PDXDC1: variants seen among roughly 807,000 people sequenced by gnomAD.
The protein encoded by PDXDC1 is pyridoxal-dependent decarboxylase domain-containing protein 1.
In PDXDC1, 42 loss-of-function variants were observed where a neutral mutation model predicts 100.1. The observed-to-expected ratio is 0.42, with a 90% CI of 0.33 to 0.54. The LOEUF (loss-of-function observed/expected upper bound fraction) is 0.54, where lower values mean the gene tolerates loss of function less well. Ranked by LOEUF, PDXDC1 falls within the 20% of genes least tolerant of loss-of-function variation. The pLI is 0.10. For missense variants in PDXDC1, 636 were observed against 979.2 expected (o/e 0.65, Z 4.68); for synonymous variants, 260 against 371.7 (o/e 0.70, Z 3.46).
intron 16 of PDXDC1, among the ~76,000 whole-genome samples, chr16:15,100,179 T>C (rs2046490226): frequency 1.3e-5 from 2 of 152,102 alleles, no homozygotes; most frequent in Non-Finnish European, 2.9e-5. Context: ...GGTTTGCAAA[T>C]GGCTGAATGG....
intron 16 of PDXDC1, among the ~76,000 whole-genome samples, chr16:15,119,407 A>T (rs1374073823): frequency 6.7e-6 from 1 of 148,582 alleles, no homozygotes; most frequent in Non-Finnish European, 1.5e-5. Flanking sequence ...AAAAAAAAAA[A>T]ATTTTTTTTG....
intron 16 of PDXDC1, among the ~76,000 whole-genome samples, chr16:15,124,072 G>A (rs1046805757): frequency 2.0e-5 from 3 of 152,208 alleles, no homozygotes; most frequent in Admixed American, 1.3e-4. Context: ...GCCTCTCAGG[G>A]ACGTCCAAGG....
intron 16 of PDXDC1, among the ~76,000 whole-genome samples, chr16:15,055,467 C>T (rs1015332856): frequency 2.0e-5 from 3 of 152,208 alleles, no homozygotes; most frequent in East Asian, 1.9e-4. Context: ...CCTGGAATAA[C>T]CTCCTGCTTC....
the PDXDC1 span, among the ~76,000 whole-genome samples, chr16:15,149,234 A>C: frequency 3.3e-5 from 5 of 152,168 alleles, no homozygotes; most frequent in South Asian, 1.0e-3. Context: ...ACCTGGCTTC[A>C]ATGTCACCTG....
intron 16 of PDXDC1, chr16:15,121,967 C>T (rs1198233437): frequency 4.2e-6 from 1 of 236,138 alleles, no homozygotes; most frequent in Non-Finnish European, 8.5e-6. Context: ...ATGGTGAAAC[C>T]CAGTCTCTAC....
chr16:15,005,803 G>A (rs1242496194), intron 5 of PDXDC1, among the ~76,000 whole-genome samples: 4 of 152,384 alleles, frequency 2.6e-5, no homozygotes, highest in African/African-American at 4.8e-5. Flanking sequence ...GGGTTCAAGC[G>A]ATTCTCCTGC....
intron 16 of PDXDC1, among the ~76,000 whole-genome samples, chr16:15,081,902 T>C (rs1163399650): frequency 6.6e-6 from 1 of 152,228 alleles, no homozygotes; most frequent in East Asian, 1.9e-4. Context: ...CAGCATTTGT[T>C]GAAATGACTA....
At position 15,043,820 on chromosome 16, in the gene PDXDC1, C is replaced by T. The variant is rs541156257; in HGVS notation, c.1399+13764C>T. Among the ~76,000 whole-genome samples, 4 of 152,012 alleles carry T rather than the reference C, an allele frequency of 2.6e-5. No individual in the cohort carries two copies. The East Asian group carries it at 7.8e-4, about 30-fold the overall frequency. On this transcript the variant is annotated intron_variant, in intron 16 of 16. Transcript: ENST00000535621. The stretch of plus-strand genomic sequence containing the variant: ...AAAATTAGGTGGGTGTGGTGGCGCA[C>T]GCCTGTGATCCCAGCTACTCAGGAG...
At chr16:14,981,821 TTTTCTTTTG>T (rs1272110130) in intron 1 of PDXDC1, among the ~76,000 whole-genome samples, 9 of 149,720 alleles carry the variant, frequency 6.0e-5, no homozygotes. Context: ...ATTTTTGTCC[TTTTCTTTTG>T]TTTCTTTTTT....
chr16:14,994,275 C>T (rs1245743689), intron 1 of PDXDC1, among the ~76,000 whole-genome samples: 1 of 152,258 alleles, frequency 6.6e-6, no homozygotes, highest in African/African-American at 2.4e-5. Context: ...GGTTTTAGGT[C>T]TAACATTTAA....
Position 15,110,604 on chromosome 16 carries a change from T to C in PDXDC1, c.1400-28275T>C, listed in dbSNP as rs968502143. 3.9e-5 allele frequency: 61 copies of C among 1,581,416 alleles called. No homozygotes were observed. In the African/African-American group the frequency reaches 7.9e-4, roughly 21 times the overall value. ...TTCTTTGTGTGCATACAAATGGACT[T>C]CAGCCCTTGGTGAGAGTGAGGAGAG... is the stretch of plus-strand genomic sequence containing the variant. On this transcript the variant is annotated intron_variant, in intron 16 of 16. Transcript: ENST00000535621.
At chr16:15,099,757 T>G (rs926385454) in intron 16 of PDXDC1, among the ~76,000 whole-genome samples, 1 of 152,198 alleles carries the variant, frequency 6.6e-6, no homozygotes, top group Non-Finnish European at 1.5e-5. Context: ...ATATATTGTT[T>G]GTAATACAAC....
intron 16 of PDXDC1, among the ~76,000 whole-genome samples, chr16:15,044,103 A>G (rs1044364776): frequency 6.6e-6 from 1 of 152,142 alleles, no homozygotes; most frequent in African/African-American, 2.4e-5. Flanking sequence ...GAATGTGTTC[A>G]CTGCTGTTTT....
intron 16 of PDXDC1, among the ~76,000 whole-genome samples, chr16:15,088,939 C>A (rs1444351197): frequency 2.6e-5 from 4 of 151,802 alleles, no homozygotes; most frequent in Admixed American, 2.6e-4. Flanking sequence ...TGGAGCCCAG[C>A]CAAGAGTGGA....
chr16:15,057,277 T>G (rs1458309879), intron 16 of PDXDC1, among the ~76,000 whole-genome samples: 5 of 152,186 alleles, frequency 3.3e-5, no homozygotes, highest in African/African-American at 1.2e-4. Flanking sequence ...ATAACTCTAT[T>G]TCTAGCTACC....
chr16:15,034,235 G>T, intron 19 of PDXDC1, 51 bp from the exon 20 acceptor site: 1 of 1,520,766 alleles, frequency 6.6e-7, no homozygotes. Context: ...GCTCTTCTGG[G>T]CCCCAGGTGA....
At chr16:15,026,223 C>G (rs2042590455) in intron 13 of PDXDC1, 2 of 198,614 alleles carry the variant, frequency 1.0e-5, no homozygotes, top group Non-Finnish European at 2.0e-5. Flanking sequence ...GACAACATAG[C>G]AAGACCCCAT....
At chr16:15,079,503 G>A (rs2045606322) in intron 16 of PDXDC1, among the ~76,000 whole-genome samples, 1 of 152,000 alleles carries the variant, frequency 6.6e-6, no homozygotes. Context: ...TTAACGCCTT[G>A]TTCTCCAATC....
intron 16 of PDXDC1, among the ~76,000 whole-genome samples, chr16:15,091,751 A>G (rs2046138227): frequency 6.6e-6 from 1 of 152,238 alleles, no homozygotes; most frequent in Non-Finnish European, 1.5e-5. Flanking sequence ...ATATAAACAT[A>G]TGGTTACTTA....
Sources: gnomAD v4.1 joint callset for allele counts (sites outside exome capture counted in the v4.1 genomes callset) on GRCh38, gnomAD v4.1.1 for gene constraint, MANE v1.5 for transcripts, NCBI Gene and HGNC (gene_info 2026-07-23, HGNC 2026-07-21) for gene names.